APBB1IP: variants seen among roughly 807,000 people sequenced by gnomAD.
APBB1IP encodes the protein amyloid beta precursor protein binding family B member 1 interacting protein.
APBB1IP carries 27 observed loss-of-function variants against 64.9 expected under a neutral mutation model. The ratio of observed to expected loss-of-function variants is 0.42; its 90% CI spans 0.31 to 0.57. APBB1IP has a LOEUF of 0.57. Among genes scored for constraint, APBB1IP ranks in the 20% least tolerant of loss-of-function variants. The pLI is 0.20. For synonymous variants in APBB1IP, 392 were observed against 331.0 expected (o/e 1.18, Z -2.00); for missense variants, 812 against 845.5 (o/e 0.96, Z 0.49).
At chr10:26,516,886 T>C (rs927181115) in intron 8 of APBB1IP, among the ~76,000 whole-genome samples, 1 of 152,104 alleles carries the variant, frequency 6.6e-6, no homozygotes, top group Non-Finnish European at 1.5e-5. Flanking sequence ...CCAGAAGATA[T>C]ATGGGGGGAG....
intron 11 of APBB1IP, among the ~76,000 whole-genome samples, chr10:26,552,837 C>A (rs1049983669): frequency 1.3e-5 from 2 of 152,154 alleles, no homozygotes; most frequent in African/African-American, 4.8e-5. Flanking sequence ...CATCTTCAAA[C>A]CCTCTGCAGA....
Position 26,447,374 on chromosome 10 carries a change from C to CAAAAAAAAA in APBB1IP, c.-1+8535_-1+8543dup, listed in dbSNP as rs55948326. Among the ~76,000 whole-genome samples, 3 of 55,022 alleles carry CAAAAAAAAA rather than the reference C, an allele frequency of 5.5e-5. 1 individual carries two copies. Among genetic ancestry groups the CAAAAAAAAA allele is most frequent in the Non-Finnish European group, 6.8e-5 (2 of 29,512 alleles). 36.1% of individuals were successfully genotyped at this position (55,022 alleles called of 152,430 possible). A position where few individuals can be genotyped will look rare whatever the true frequency, so the allele number is the denominator to read the frequency against. The stretch of plus-strand genomic sequence containing the variant: ...TGGGTGACAGAGTGAGACTCCGTCT[C>CAAAAAAAAA]AAAAAAAAAAAAAAAAAAAAAAGAA... On this transcript the variant is annotated intron_variant, in intron 2 of 14. Transcript: ENST00000376236.
intron 10 of APBB1IP, 141 bp from the exon 11 acceptor site, chr10:26,541,441 T>C: frequency 1.5e-6 from 1 of 658,562 alleles, no homozygotes; most frequent in Non-Finnish European, 2.6e-6. Flanking sequence ...AACCTATACA[T>C]GGCAGATGTT....
At chr10:26,550,621 C>T (rs1836818843) in intron 11 of APBB1IP, among the ~76,000 whole-genome samples, 1 of 151,990 alleles carries the variant, frequency 6.6e-6, no homozygotes, top group African/African-American at 2.4e-5. Flanking sequence ...TTCTATTTAT[C>T]TGATGAATGC....
chr10:26,564,275 A>G (rs1447888445), intron 14 of APBB1IP, among the ~76,000 whole-genome samples: 1 of 151,644 alleles, frequency 6.6e-6, no homozygotes, highest in African/African-American at 2.4e-5. Flanking sequence ...ATGTTTCATT[A>G]TATAAATTAT....
chr10:26,450,934 G>C (rs997388214), intron 2 of APBB1IP, among the ~76,000 whole-genome samples: 1 of 152,072 alleles, frequency 6.6e-6, no homozygotes, highest in Admixed American at 6.6e-5. Flanking sequence ...GACCTCAGGA[G>C]ATCCACCCGC....
intron 11 of APBB1IP, among the ~76,000 whole-genome samples, chr10:26,552,759 A>G (rs980030388): frequency 6.6e-6 from 1 of 152,208 alleles, no homozygotes; most frequent in African/African-American, 2.4e-5. Flanking sequence ...TCCATCTCAG[A>G]GGAAGAAGGC....
chr10:26,460,445 C>T (rs1167996757), intron 2 of APBB1IP, among the ~76,000 whole-genome samples: 1 of 152,054 alleles, frequency 6.6e-6, no homozygotes, highest in Non-Finnish European at 1.5e-5. Context: ...AATCTCTTTC[C>T]CCTTTTTTAT....
At chr10:26,519,646 A>G (rs923016707) in intron 8 of APBB1IP, among the ~76,000 whole-genome samples, 14 of 152,234 alleles carry the variant, frequency 9.2e-5, no homozygotes, top group Admixed American at 6.5e-5. Flanking sequence ...CTACTGTAAC[A>G]TAGCGGGAAG....
chr10:26,465,688 T>G (rs1452605295), intron 2 of APBB1IP, among the ~76,000 whole-genome samples: 1 of 152,236 alleles, frequency 6.6e-6, no homozygotes, highest in Non-Finnish European at 1.5e-5. Context: ...TTGGGCATGT[T>G]TAAGCACTGA....
chr10:26,514,184 T>C (rs74401217), intron 8 of APBB1IP, among the ~76,000 whole-genome samples: 3,063 of 152,284 alleles, frequency 0.02, 104 homozygotes, highest in African/African-American at 0.071. Flanking sequence ...AAGAAAAGAA[T>C]CCATTTTGCT....
intron 2 of APBB1IP, among the ~76,000 whole-genome samples, chr10:26,483,092 TAAAAAA>T (rs35069320): frequency 3.0e-5 from 2 of 67,140 alleles, no homozygotes; most frequent in South Asian, 7.1e-4. Context: ...CTCCATCTGA[TAAAAAA>T]AAAAAAAAAA....
chr10:26,536,440 A>G (rs1012521704), intron 10 of APBB1IP, among the ~76,000 whole-genome samples: 3 of 152,104 alleles, frequency 2.0e-5, no homozygotes, highest in Non-Finnish European at 2.9e-5. Flanking sequence ...AGGTTTCAAA[A>G]ATGATGGCAA....
chr10:26,467,417 A>G (rs1263079383), intron 2 of APBB1IP, among the ~76,000 whole-genome samples: 1 of 152,240 alleles, frequency 6.6e-6, no homozygotes, highest in African/African-American at 2.4e-5. Context: ...TATGCAATAG[A>G]ATCATATGGA....
chr10:26,444,348 G>A (rs1294465457), intron 2 of APBB1IP, among the ~76,000 whole-genome samples: 2 of 152,194 alleles, frequency 1.3e-5, no homozygotes, highest in African/African-American at 2.4e-5. Context: ...AAATGGAGGG[G>A]CCATTGCAGG....
intron 2 of APBB1IP, among the ~76,000 whole-genome samples, chr10:26,448,264 C>A (rs10741109): frequency 0.39 from 58,960 of 151,882 alleles, 11,636 homozygotes; most frequent in South Asian, 0.5. Context: ...GCTGGTCTCA[C>A]ATTTCTGGCC....
chr10:26,503,355 GC>G (rs2132439359), intron 6 of APBB1IP, 81 bp downstream of exon 6: 1 of 1,434,248 alleles, frequency 7.0e-7, no homozygotes, highest in African/African-American at 1.4e-5. Flanking sequence ...ACAAAATAAA[GC>G]CGGGCGCGGT....
chr10:26,516,352 G>A (rs985528494), intron 8 of APBB1IP, among the ~76,000 whole-genome samples: 2 of 151,650 alleles, frequency 1.3e-5, no homozygotes, highest in Admixed American at 6.6e-5. Flanking sequence ...TCAGGAGTTT[G>A]ACCAACATAG....
intron 6 of APBB1IP, among the ~76,000 whole-genome samples, chr10:26,510,877 ACTAT>A (rs1476195584): frequency 1.3e-5 from 2 of 151,848 alleles, no homozygotes; most frequent in East Asian, 3.9e-4. Flanking sequence ...CCCTGCTCTA[ACTAT>A]CTGTCTCTCA....
Sources: gnomAD v4.1 joint callset for allele counts (sites outside exome capture counted in the v4.1 genomes callset) on GRCh38, gnomAD v4.1.1 for gene constraint, MANE v1.5 for transcripts, NCBI Gene and HGNC (gene_info 2026-07-23, HGNC 2026-07-21) for gene names.